NFIC: variants seen among roughly 807,000 people sequenced by gnomAD.
NFIC encodes the protein nuclear factor 1 C-type.
A neutral mutation model predicts 54.4 loss-of-function variants in NFIC; 12 were observed. The observed-to-expected ratio is 0.22, with a 90% CI of 0.14 to 0.36. The LOEUF (loss-of-function observed/expected upper bound fraction) is 0.36, where lower values mean the gene tolerates loss of function less well. Ranked by LOEUF, NFIC falls within the 10% of genes least tolerant of loss-of-function variation. The pLI, the probability that NFIC is intolerant of heterozygous loss-of-function variation, is 1.00. For missense variants in NFIC, 575 were observed against 718.2 expected, an observed-to-expected ratio of 0.80 and a Z score of 2.28; for synonymous variants, 322 against 319.2, an observed-to-expected ratio of 1.01 and a Z score of -0.09.
chr19:3,381,933 C>A lies in NFIC; in HGVS notation c.252C>A (p.Ile84=). Residue 84 remains isoleucine, a synonymous_variant, in exon 2 of 11, where the codon ATC becomes ATA. Coordinates refer to ENST00000443272, the MANE Select transcript of NFIC (RefSeq NM_001245002.2). The part of the protein sequence containing the change: ...SRLLAKLRKD[I]RPECREDFVL... ...TGCTGGCCAAGCTGCGCAAGGACAT[C>A]CGGCCCGAGTGCCGCGAGGACTTCG... is the stretch of plus-strand genomic sequence containing the variant. 6.2e-7 allele frequency: 1 copy of A among 1,613,610 alleles called. No individual in the cohort carries two copies. The highest frequency in any genetic ancestry group is 8.5e-7 in the Non-Finnish European group (1 of 1,179,922).
At position 3,370,760 on chromosome 19, in the gene NFIC, C is replaced by T. The variant is rs1330974457; in HGVS notation, c.30+4094C>T. On this transcript the variant is annotated intron_variant, in intron 1 of 10. Coordinates refer to ENST00000443272, the MANE Select transcript of NFIC (RefSeq NM_001245002.2). The surrounding 1 kb of genome is among the most constrained non-coding windows in gnomAD (Gnocchi z 5.2). The stretch of plus-strand genomic sequence containing the variant: ...TCCTCTTCTTTCTCTCTCTCTGTCT[C>T]TCTGAGCTGGCCTCCCTCCCTGTCT... 2.0e-5 allele frequency among the ~76,000 whole-genome samples: 3 copies of T among 152,034 alleles called. No individual in the cohort carries two copies. The highest frequency in any genetic ancestry group is 7.3e-5 in the African/African-American group (3 of 41,370).
intron 4 of NFIC, 45 bp from the exon 5 acceptor site, chr19:3,434,208 ACCTCTCTAAAGCAAACCGCAGCAC>A: frequency 6.5e-7 from 1 of 1,531,406 alleles, no homozygotes; most frequent in Non-Finnish European, 8.8e-7. Flanking sequence ...GGCTTTCCCT[ACCTCTCTAAAGCAAACCGCAGCAC>A]TGGGCACTGC....
chr19:3,360,293 C>A (rs903857362), intron 1 of NFIC, among the ~76,000 whole-genome samples: 7 of 146,350 alleles, frequency 4.8e-5, no homozygotes, highest in African/African-American at 1.7e-4. Flanking sequence ...GCAGGAGCAG[C>A]CGCCCCGCCT....
Position 3,371,925 on chromosome 19 carries a change from TTCCTTCCTTCCTTCCC to T in NFIC, c.30+5263_30+5278del, listed in dbSNP as rs1342164129. On this transcript the variant is annotated intron_variant, in intron 1 of 10. Coordinates refer to ENST00000443272, the MANE Select transcript of NFIC (RefSeq NM_001245002.2). ...CTTCCTTCCTTCCTTCCTTCCTTCC[TTCCTTCCTTCCTTCCC>T]TCCCTCCCTCCCTCCTTCCTTCTTT... Among the ~76,000 whole-genome samples, 515 of 133,638 alleles carry T rather than the reference TTCCTTCCTTCCTTCCC, an allele frequency of 3.9e-3. 5 individuals carry two copies. The highest frequency in any genetic ancestry group is 0.014 in the African/African-American group (487 of 34,938). The allele number at this position is 133,638 out of a possible 152,430, so 87.7% of individuals were successfully genotyped here.
intron 2 of NFIC, among the ~76,000 whole-genome samples, chr19:3,417,007 C>G (rs984911479): frequency 6.6e-6 from 1 of 152,068 alleles, no homozygotes; most frequent in Middle Eastern, 3.4e-3. Context: ...CCTCAGCCTC[C>G]GGAGCAGCTG....
At chr19:3,368,686 C>T (rs2080941105) in intron 1 of NFIC, among the ~76,000 whole-genome samples, 1 of 152,112 alleles carries the variant, frequency 6.6e-6, no homozygotes, top group Admixed American at 6.5e-5. Flanking sequence ...TCCAGTTTGT[C>T]TTCAGCCTGA....
rs1439397017 is a variant in NFIC at position 3,467,495 on chromosome 19, T to G, written c.*4726T>G. ...AAAGGAATGCCAAAGGGGACTCGGTTGGGAGAGCCGCTTAGGGGCCAGACC... is the reference window on the plus strand; with the variant it reads ...AAAGGAATGCCAAAGGGGACTCGGTGGGGAGAGCCGCTTAGGGGCCAGACC... On this transcript the variant is annotated 3_prime_UTR_variant, in exon 11 of 11. Transcript: ENST00000443272. 7.9e-5 allele frequency: 12 copies of G among 151,354 alleles called. No homozygotes were observed. The East Asian group carries it at 2.2e-3, about 27-fold the overall frequency. 9.4% of individuals were successfully genotyped at this position (151,354 alleles called of 1,614,324 possible). A position where few individuals can be genotyped will look rare whatever the true frequency, so the allele number is the denominator to read the frequency against.
chr19:3,366,999 G>A (rs1377338401), intron 1 of NFIC, among the ~76,000 whole-genome samples: 4 of 140,692 alleles, frequency 2.8e-5, no homozygotes, highest in African/African-American at 8.3e-5. Flanking sequence ...CCCCCGCCCC[G>A]ACACTCGGAA....
chr19:3,429,307 G>A (rs372985591), intron 3 of NFIC, among the ~76,000 whole-genome samples: 18 of 126,262 alleles, frequency 1.4e-4, no homozygotes, highest in African/African-American at 4.2e-4. Flanking sequence ...AGCCAAACAC[G>A]GAGGTGCATG....
rs145593901 is a variant in NFIC, at chr19:3,421,611, C to T, written c.563-3495C>T. The stretch of plus-strand genomic sequence containing the variant: ...TTTCCTGACGAGGAAACTGAGGCAC[C>T]GGGCCCTGCTCCTGTGCTGTTCATG... On this transcript the variant is annotated intron_variant, in intron 2 of 10. Transcript: ENST00000443272. Among the ~76,000 whole-genome samples, 11 of 152,298 alleles carry T rather than the reference C, an allele frequency of 7.2e-5. No individual in the cohort carries two copies. The East Asian group carries it at 1.5e-3, about 21-fold the overall frequency.
chr19:3,435,140 C>T lies in NFIC; in HGVS notation c.891C>T (p.Gly297=), dbSNP rs956911568. Residue 297 remains glycine, a synonymous_variant, in exon 6 of 11, where the codon GGC becomes GGT. Transcript: ENST00000443272. The part of the protein sequence containing the change: ...MEEDVDTSPG[G]DYYTSPSSPT... ...AAGACGTGGACACGAGCCCTGGCGG[C>T]GATTACTACACTTCGCCCAGCTCGC... 3 of 1,605,972 alleles carry T rather than the reference C, an allele frequency of 1.9e-6. No homozygotes were observed. The East Asian group carries it at 6.7e-5, about 36-fold the overall frequency.
chr19:3,364,789 T>A (rs901151192), upstream of NFIC, among the ~76,000 whole-genome samples: 1 of 152,136 alleles, frequency 6.6e-6, no homozygotes, highest in Non-Finnish European at 1.5e-5. Context: ...GGTCTGGAAG[T>A]CTAGGAGGAG....
chr19:3,443,101 C>G (rs983020435), intron 6 of NFIC, among the ~76,000 whole-genome samples: 6 of 152,156 alleles, frequency 3.9e-5, no homozygotes, highest in African/African-American at 1.4e-4. Flanking sequence ...GCCCCAATGT[C>G]TACAGTGCTG....
rs1381037710 is a variant in NFIC, at chr19:3,366,615, T to C, written c.-22T>C. On this transcript the variant is annotated 5_prime_UTR_variant, in exon 1 of 11. Transcript: ENST00000443272. Reference sequence around the variant, plus strand: ...TCAGCGCGCCCGCTCCGGCCGGCCCTGCGCCTCCCGCCGCGCCCGGGATGT... The same window carrying C: ...TCAGCGCGCCCGCTCCGGCCGGCCCCGCGCCTCCCGCCGCGCCCGGGATGT... 10 of 1,491,220 alleles carry C rather than the reference T, an allele frequency of 6.7e-6. No individual in the cohort carries two copies. The highest frequency in any genetic ancestry group is 2.6e-5 in the South Asian group (2 of 76,960). The allele number at this position is 1,491,220 out of a possible 1,614,324, so 92.4% of individuals were successfully genotyped here.
At chr19:3,429,973 T>C (rs1281510797) in intron 3 of NFIC, among the ~76,000 whole-genome samples, 1 of 152,096 alleles carries the variant, frequency 6.6e-6, no homozygotes, top group Non-Finnish European at 1.5e-5. Flanking sequence ...TCCTTCCTCT[T>C]ATCCAGTCTC....
In NFIC at chr19:3,366,677, CGCCCG is replaced by C; in HGVS notation, c.30+16_30+20del. On this transcript the variant is annotated intron_variant, in intron 1 of 10. Coordinates refer to ENST00000443272, the MANE Select transcript of NFIC (RefSeq NM_001245002.2). ...CTCTGCCTCACCCAGGTACGGTCCT[CGCCCG>C]GCCCCCCGCCGGCGCCCCCGCGCCC... The C allele has an allele frequency of 7.1e-7, 1 of 1,413,422 alleles. No homozygotes were observed. Among genetic ancestry groups the C allele is most frequent in the Non-Finnish European group, 9.3e-7 (1 of 1,080,824 alleles). 87.6% of individuals were successfully genotyped at this position (1,413,422 alleles called of 1,614,324 possible).
Position 3,463,641 on chromosome 19 carries a change from G to T in NFIC, c.*872G>T. The T allele has an allele frequency of 2.6e-5, 3 of 113,842 alleles. No homozygotes were observed. Among genetic ancestry groups the T allele is most frequent in the Non-Finnish European group, 2.0e-5 (2 of 99,606 alleles). 7.1% of individuals were successfully genotyped at this position (113,842 alleles called of 1,614,324 possible). On this transcript the variant is annotated 3_prime_UTR_variant, in exon 11 of 11. Coordinates refer to ENST00000443272, the MANE Select transcript of NFIC (RefSeq NM_001245002.2). ...CCCGGCCCCTCCACCCCCCACCCCC[G>T]GCATAGGAGGCCCCCCCACCTCGCC...
chr19:3,362,447 G>T (rs2080823041), upstream of NFIC, among the ~76,000 whole-genome samples: 1 of 151,836 alleles, frequency 6.6e-6, no homozygotes, highest in South Asian at 2.1e-4. Flanking sequence ...GCCCCTCTTT[G>T]AGGAGGTATC....
At chr19:3,391,092 A>C (rs943045510) in intron 2 of NFIC, among the ~76,000 whole-genome samples, 1 of 152,106 alleles carries the variant, frequency 6.6e-6, no homozygotes, top group African/African-American at 2.4e-5. Context: ...TGTACAAAAA[A>C]TTTAAAAATT....
Sources: gnomAD v4.1 joint callset for allele counts (sites outside exome capture counted in the v4.1 genomes callset) on GRCh38, gnomAD v4.1.1 for gene constraint, Gnocchi (gnomAD v3.1) non-coding constraint, MANE v1.5 for transcripts, NCBI Gene and HGNC (gene_info 2026-07-23, HGNC 2026-07-21) for gene names.